SHISAL1: variants seen among roughly 807,000 people sequenced by gnomAD.
The protein encoded by SHISAL1 is protein shisa-like-1.
SHISAL1 carries 9 observed loss-of-function variants against 22.6 expected under a neutral mutation model. The ratio of observed to expected loss-of-function variants is 0.40; its 90% confidence interval spans 0.24 to 0.70. SHISAL1 has a LOEUF of 0.70. Ranked by LOEUF, SHISAL1 falls within the 30% of genes least tolerant of loss-of-function variation. The probability of loss-of-function intolerance (pLI) is 0.39; values close to 1 mark genes in which losing one functional copy is unlikely to be tolerated. For synonymous variants in SHISAL1, 119 were observed against 115.4 expected (o/e 1.03, Z -0.20); for missense variants, 246 against 270.6 (o/e 0.91, Z 0.64).
At position 44,255,958 on chromosome 22, in the gene SHISAL1, G is replaced by GA. The variant is rs1446169806; in HGVS notation, c.*-6274dup. 1.2e-4 allele frequency among the ~76,000 whole-genome samples: 18 copies of GA among 152,358 alleles called. No individual in the cohort carries two copies. In the East Asian group the frequency reaches 3.3e-3, roughly 28 times the overall value. On this transcript the variant is annotated intron_variant, in intron 4 of 4. Transcript: ENST00000381176. ...TGAACATGTGACCTAGCAGATGGAG[G>GA]AAAACTGTGTCCTCCCCTGTGCAGG...
rs369241443 is a variant in SHISAL1 at position 44,296,770 on chromosome 22, G to A, written c.183C>T (p.His61=). The A allele has an allele frequency of 5.1e-5, 82 of 1,613,948 alleles. No individual in the cohort carries two copies. Among genetic ancestry groups the A allele is most frequent in the Non-Finnish European group, 5.6e-5 (66 of 1,179,988 alleles). Residue 61 remains histidine, a synonymous_variant, in exon 3 of 5, where the codon CAC becomes CAT. Transcript: ENST00000381176. ...SDNKTFILCC[H]HNNTVFKYCC... ...AGTATTTGAAGACCGTGTTGTTATG[G>A]TGACAACAGAGGATGAAGGTCTTGT...
chr22:44,251,444 G>A (rs1184270671), intron 4 of SHISAL1, among the ~76,000 whole-genome samples: 1 of 152,188 alleles, frequency 6.6e-6, no homozygotes, highest in African/African-American at 2.4e-5. Flanking sequence ...ATAAAAGGAT[G>A]GGCAGATGAT....
chr22:44,252,540 G>T (rs552883404), intron 4 of SHISAL1, among the ~76,000 whole-genome samples: 6 of 149,442 alleles, frequency 4.0e-5, no homozygotes. Flanking sequence ...AACTATAAAA[G>T]CAGAAAGCCT....
intron 4 of SHISAL1, among the ~76,000 whole-genome samples, chr22:44,278,800 C>T (rs956361768): frequency 7.9e-5 from 12 of 152,192 alleles, no homozygotes; most frequent in East Asian, 5.8e-4. Flanking sequence ...ATCCAGGATG[C>T]GGCGGGAGGA....
intron 1 of SHISAL1, among the ~76,000 whole-genome samples, chr22:44,306,017 A>G (rs1017653783): frequency 1.3e-5 from 2 of 152,306 alleles, no homozygotes; most frequent in Admixed American, 1.3e-4. Context: ...TAAAAATTCC[A>G]TTTCTAATGA....
chr22:44,281,312 A>G (rs759863219), intron 4 of SHISAL1, among the ~76,000 whole-genome samples: 10 of 152,158 alleles, frequency 6.6e-5, no homozygotes, highest in Non-Finnish European at 1.2e-4. Context: ...ACACCACTGC[A>G]CAACTGACAA....
At chr22:44,314,908 G>GAGAA (rs943414716), upstream of SHISAL1, among the ~76,000 whole-genome samples, 66 of 152,304 alleles carry the variant, frequency 4.3e-4, no homozygotes, top group African/African-American at 1.4e-3. Context: ...TGAGGCTAGA[G>GAGAA]AGAAAGTAAA....
intron 1 of SHISAL1, among the ~76,000 whole-genome samples, chr22:44,304,665 G>T (rs187884275): frequency 3.4e-4 from 52 of 152,316 alleles, no homozygotes; most frequent in African/African-American, 1.2e-3. Flanking sequence ...GATAAGCCGA[G>T]GTCAAGCATC....
chr22:44,283,044 C>T (rs2055287490), intron 4 of SHISAL1, among the ~76,000 whole-genome samples: 1 of 152,182 alleles, frequency 6.6e-6, no homozygotes, highest in Non-Finnish European at 1.5e-5. Context: ...AATGAAATCC[C>T]CTCTCACGTT....
chr22:44,277,518 C>T (rs2055248266), intron 4 of SHISAL1, among the ~76,000 whole-genome samples: 1 of 151,936 alleles, frequency 6.6e-6, no homozygotes, highest in Admixed American at 6.6e-5. Flanking sequence ...CAAACCGAGG[C>T]CAGCTTCCTG....
chr22:44,330,603 T>C, the SHISAL1 span, among the ~76,000 whole-genome samples: 251 of 152,190 alleles, frequency 1.6e-3, 1 homozygote, highest in African/African-American at 5.9e-3. Flanking sequence ...CCACATCCTC[T>C]TGACTCTTTC....
intron 4 of SHISAL1, among the ~76,000 whole-genome samples, chr22:44,277,448 CCAAACAAAA>C (rs2055247424): frequency 6.7e-6 from 1 of 148,248 alleles, no homozygotes; most frequent in Admixed American, 6.9e-5. Flanking sequence ...TACTCTGCCT[CCAAACAAAA>C]CAAAACAAAA....
At chr22:44,320,291 C>T in the SHISAL1 span, among the ~76,000 whole-genome samples, 1 of 152,208 alleles carries the variant, frequency 6.6e-6, no homozygotes, top group African/African-American at 2.4e-5. Flanking sequence ...AGTTCCTATA[C>T]ACTGTTGGTT....
chr22:44,301,944 G>A (rs1304908948), intron 1 of SHISAL1, among the ~76,000 whole-genome samples: 4 of 152,180 alleles, frequency 2.6e-5, no homozygotes, highest in African/African-American at 9.7e-5. Flanking sequence ...TTTCATGGGT[G>A]CAGAGTTGCA....
At position 44,292,199 on chromosome 22, in the gene SHISAL1, C is replaced by T. The variant is rs914864021; in HGVS notation, c.281+4473G>A. On this transcript the variant is annotated intron_variant, in intron 3 of 4. Transcript: ENST00000381176. ...GGGAGGGCTGTGGCGGGGCGGGGGT[C>T]GGGGGAAGGGCGATGGGGGAGGACC... Among the ~76,000 whole-genome samples the T allele has an allele frequency of 2.8e-4, 42 of 152,236 alleles. 1 individual carries two copies. The highest frequency in any genetic ancestry group is 9.6e-4 in the African/African-American group (40 of 41,542).
the SHISAL1 span, among the ~76,000 whole-genome samples, chr22:44,323,237 T>C: frequency 7.1e-6 from 1 of 140,774 alleles, no homozygotes; most frequent in African/African-American, 2.7e-5. Context: ...CATTTATCCA[T>C]CCATCCATCC....
At chr22:44,301,294 G>A (rs2055427297) in intron 1 of SHISAL1, among the ~76,000 whole-genome samples, 1 of 152,210 alleles carries the variant, frequency 6.6e-6, no homozygotes, top group South Asian at 2.1e-4. Flanking sequence ...CTGCAGGAGT[G>A]AGGATGCCCG....
chr22:44,261,456 T>C (rs2055123847), intron 4 of SHISAL1, among the ~76,000 whole-genome samples: 1 of 152,084 alleles, frequency 6.6e-6, no homozygotes, highest in Non-Finnish European at 1.5e-5. Context: ...CAGAGTCCCA[T>C]GGTAGAGATG....
intron 4 of SHISAL1, among the ~76,000 whole-genome samples, chr22:44,277,980 C>A (rs58092627): frequency 0.01 from 1,588 of 152,314 alleles, 41 homozygotes; most frequent in African/African-American, 0.037. Context: ...CCCACACTGG[C>A]AGTGTCCTTG....
Sources: gnomAD v4.1 joint callset for allele counts (sites outside exome capture counted in the v4.1 genomes callset) on GRCh38, gnomAD v4.1.1 for gene constraint, MANE v1.5 for transcripts, NCBI Gene and HGNC (gene_info 2026-07-23, HGNC 2026-07-21) for gene names.